UBE2Z: variants seen among roughly 807,000 people sequenced by gnomAD.
UBE2Z encodes ubiquitin-conjugating enzyme E2 Z.
Under a neutral mutation model 32.6 loss-of-function variants are expected in UBE2Z, and 10 were observed. The observed-to-expected ratio is 0.31, with a 90% CI of 0.19 to 0.52. The LOEUF is 0.52. Among genes scored for constraint, UBE2Z ranks in the 20% least tolerant of loss-of-function variants. The pLI is 0.97. For synonymous variants in UBE2Z, 183 were observed against 190.8 expected, an observed-to-expected ratio of 0.96 and a Z score of 0.34; for missense variants, 343 against 480.9, an observed-to-expected ratio of 0.71 and a Z score of 2.68.
At chr17:48,925,593 T>C (rs2040792307) in intron 6 of UBE2Z, among the ~76,000 whole-genome samples, 1 of 152,222 alleles carries the variant, frequency 6.6e-6, no homozygotes, top group African/African-American at 2.4e-5. Flanking sequence ...CATCAGGAAT[T>C]CTAATTGCTG....
chr17:48,909,394 C>T (rs1385984493), intron 1 of UBE2Z, among the ~76,000 whole-genome samples: 1 of 152,018 alleles, frequency 6.6e-6, no homozygotes, highest in Non-Finnish European at 1.5e-5. Flanking sequence ...TTCCCTCGCC[C>T]CAATCTTTCC....
rs201859922 is a variant in UBE2Z at position 48,922,977 on chromosome 17, C to T, written c.894+40C>T. 4.6e-5 allele frequency: 72 copies of T among 1,558,484 alleles called. No individual in the cohort carries two copies. The Admixed American group carries it at 8.8e-4, about 19-fold the overall frequency. The stretch of plus-strand genomic sequence containing the variant: ...GCTGCTAATTGCAGAAGCCCTACAG[C>T]TGGCCATGTAAAAGCCCCCCACAAG... On this transcript the variant is annotated intron_variant, in intron 6 of 6. Coordinates refer to ENST00000360943, the MANE Select transcript of UBE2Z (RefSeq NM_023079.5).
intron 6 of UBE2Z, among the ~76,000 whole-genome samples, chr17:48,926,559 G>A (rs2040799988): frequency 6.7e-6 from 1 of 149,686 alleles, no homozygotes; most frequent in Non-Finnish European, 1.5e-5. Flanking sequence ...TCAGCTGACT[G>A]CAACCTCCGC....
chr17:48,919,612 G>A (rs1466289198), intron 4 of UBE2Z, among the ~76,000 whole-genome samples: 2 of 152,096 alleles, frequency 1.3e-5, no homozygotes, highest in Non-Finnish European at 1.5e-5. Flanking sequence ...GAGTAGCTGG[G>A]ACGACAGGTG....
rs1025454534 is a variant in UBE2Z at position 48,908,563 on chromosome 17, G to A, written c.60G>A (p.Gly20=). The A allele has an allele frequency of 1.6e-6, 2 of 1,238,402 alleles. No individual in the cohort carries two copies. Among genetic ancestry groups the A allele is most frequent in the Non-Finnish European group, 1.0e-6 (1 of 988,778 alleles). The allele number at this position is 1,238,402 out of a possible 1,614,324, so 76.7% of individuals were successfully genotyped here. ...ATAGAGAAGP[G]ASSVAGVVGV... is the part of the protein sequence containing the mutation. ...CGGGCGCCGGGGCGGCGGGCCCCGG[G>A]GCGAGCAGCGTTGCTGGTGTTGTTG... Residue 20 remains glycine, a synonymous_variant, in exon 1 of 7, where the codon GGG becomes GGA. Transcript: ENST00000360943.
Position 48,928,238 on chromosome 17 carries a change from G to GC in UBE2Z, c.*1109dup. On this transcript the variant is annotated 3_prime_UTR_variant, in exon 7 of 7. Transcript: ENST00000360943. ...TTTCTCTTCCTTCCGCCTCCCCCGT[G>GC]CCCCCAGCTGCTCTTGTCACTGTCT... The GC allele has an allele frequency of 6.6e-6, 1 of 152,464 alleles. No individual in the cohort carries two copies. Among genetic ancestry groups the GC allele is most frequent in the Non-Finnish European group, 1.5e-5 (1 of 68,268 alleles). The allele number at this position is 152,464 out of a possible 1,614,324, so 9.4% of individuals were successfully genotyped here.
chr17:48,915,356 T>C (rs1320914540), intron 3 of UBE2Z, among the ~76,000 whole-genome samples: 1 of 152,168 alleles, frequency 6.6e-6, no homozygotes. Context: ...TGTGTTCGGC[T>C]TCCAGCTCCG....
In UBE2Z at chr17:48,914,487, G is replaced by T. The variant is rs529128058; in HGVS notation, c.578+1466G>T. Among the ~76,000 whole-genome samples the T allele has an allele frequency of 3.3e-5, 5 of 152,246 alleles. No homozygotes were observed. The South Asian group carries it at 1.0e-3, about 32-fold the overall frequency. On this transcript the variant is annotated intron_variant, in intron 3 of 6. Transcript: ENST00000360943. ...TTAAAGAAGTACTTCATCTCGTTAG[G>T]GTACTTAATTAATTGTCTTTGCTGG...
intron 3 of UBE2Z, 72 bp downstream of exon 3, chr17:48,913,093 G>C: frequency 6.8e-7 from 1 of 1,466,132 alleles, no homozygotes; most frequent in Non-Finnish European, 9.4e-7. Flanking sequence ...TTTATCAACC[G>C]GAGTCCCTCA....
rs370517211 is a variant in UBE2Z, at chr17:48,914,729, G to C, written c.579-1347G>C. Among the ~76,000 whole-genome samples the C allele has an allele frequency of 2.6e-5, 4 of 152,098 alleles. No homozygotes were observed. In the East Asian group the frequency reaches 5.8e-4, roughly 22 times the overall value. The stretch of plus-strand genomic sequence containing the variant: ...TGAAAATTTGCCATAAAGAATCACA[G>C]AGTAGAAAATTTCAGCCGGGTGCGG... On this transcript the variant is annotated intron_variant, in intron 3 of 6. Transcript: ENST00000360943.
intron 5 of UBE2Z, among the ~76,000 whole-genome samples, chr17:48,921,612 G>T (rs190862366): frequency 6.6e-6 from 1 of 152,322 alleles, no homozygotes; most frequent in East Asian, 1.9e-4. Flanking sequence ...TGCCAAAACT[G>T]GATGAGCAAC....
intron 4 of UBE2Z, among the ~76,000 whole-genome samples, chr17:48,920,523 C>T (rs1008294962): frequency 3.3e-5 from 5 of 151,588 alleles, no homozygotes; most frequent in South Asian, 2.1e-4. Flanking sequence ...AATAAAAACT[C>T]GGGGCCCACC....
In UBE2Z at chr17:48,913,873, TTTTTG is replaced by T. The variant is rs140457927; in HGVS notation, c.578+866_578+870del. The stretch of plus-strand genomic sequence containing the variant: ...GGTGGTGGTGATCATTATGGTTTCA[TTTTTG>T]TTTTGTTTTGTTTGTTTTTGTTTTG... On this transcript the variant is annotated intron_variant, in intron 3 of 6. Coordinates refer to ENST00000360943, the MANE Select transcript of UBE2Z (RefSeq NM_023079.5). Among the ~76,000 whole-genome samples the T allele has an allele frequency of 8.7e-3, 1,322 of 151,740 alleles. 39 individuals carry two copies. The East Asian group carries it at 0.088, about 10-fold the overall frequency.
intron 6 of UBE2Z, among the ~76,000 whole-genome samples, chr17:48,926,263 A>T (rs1162758017): frequency 6.6e-6 from 1 of 152,156 alleles, no homozygotes; most frequent in Non-Finnish European, 1.5e-5. Context: ...TTGAGTACAG[A>T]GAATAAAGAG....
intron 2 of UBE2Z, 156 bp downstream of exon 2, chr17:48,911,036 G>A (rs2040673294): frequency 1.5e-6 from 1 of 668,058 alleles, no homozygotes; most frequent in Non-Finnish European, 2.7e-6. Context: ...GTCACATAGT[G>A]AGGTGGAGCA....
chr17:48,924,799 TTGCACTAC>T (rs2040786271), intron 6 of UBE2Z, among the ~76,000 whole-genome samples: 2 of 142,484 alleles, frequency 1.4e-5, no homozygotes, highest in Admixed American at 1.5e-4. Flanking sequence ...TAAACTGAGA[TTGCACTAC>T]TGCACTCCAG....
intron 4 of UBE2Z, among the ~76,000 whole-genome samples, chr17:48,917,299 C>T (rs948599710): frequency 6.6e-6 from 1 of 151,728 alleles, no homozygotes; most frequent in Non-Finnish European, 1.5e-5. Flanking sequence ...AGCGAGACAC[C>T]GTCTTAAAAA....
At chr17:48,924,270 C>A (rs975002468) in intron 6 of UBE2Z, among the ~76,000 whole-genome samples, 1 of 152,178 alleles carries the variant, frequency 6.6e-6, no homozygotes, top group African/African-American at 2.4e-5. Context: ...GCCACTGCAC[C>A]CAGCCCATAG....
At position 48,928,483 on chromosome 17, in the gene UBE2Z, C is replaced by T. The variant is rs1032429906; in HGVS notation, c.*1349C>T. 2 of 152,648 alleles carry T rather than the reference C, an allele frequency of 1.3e-5. No individual in the cohort carries two copies. The highest frequency in any genetic ancestry group is 2.4e-5 in the African/African-American group (1 of 41,408). 9.5% of individuals were successfully genotyped at this position (152,648 alleles called of 1,614,324 possible). A position where few individuals can be genotyped will look rare whatever the true frequency, so the allele number is the denominator to read the frequency against. On this transcript the variant is annotated 3_prime_UTR_variant, in exon 7 of 7. Transcript: ENST00000360943. Reference sequence around the variant, plus strand: ...ATTGGCGATTCTTGTGATGCAGGGCCTCAGTCAGTGTCCAGCCATGCATAA... The same window carrying T: ...ATTGGCGATTCTTGTGATGCAGGGCTTCAGTCAGTGTCCAGCCATGCATAA...
Sources: allele counts gnomAD v4.1 joint callset (sites outside exome capture counted in the v4.1 genomes callset), GRCh38; gene constraint gnomAD v4.1.1; transcripts MANE v1.5; gene names NCBI Gene and HGNC (gene_info 2026-07-23, HGNC 2026-07-21).